UBE2O: variants seen among roughly 807,000 people sequenced by gnomAD.
The protein encoded by UBE2O is ubiquitin conjugating enzyme E2 O.
In UBE2O, 15 loss-of-function variants were observed where a neutral mutation model predicts 125.8. The observed-to-expected ratio is 0.12, with a 90% CI of 0.08 to 0.18. The LOEUF is 0.18. Ranked by LOEUF, UBE2O falls within the 10% of genes least tolerant of loss-of-function variation. The pLI is 1.00. For missense variants in UBE2O, 1,280 were observed against 1,723.6 expected (o/e 0.74, Z 4.56); for synonymous variants, 708 against 703.2 (o/e 1.01, Z -0.11).
intron 1 of UBE2O, among the ~76,000 whole-genome samples, chr17:76,445,230 T>G (rs2073133244): frequency 6.6e-6 from 1 of 152,136 alleles, no homozygotes; most frequent in Admixed American, 6.5e-5. Flanking sequence ...TTTTTTTTTT[T>G]CTTTTTCCAA....
At chr17:76,445,393 G>T (rs997371307) in intron 1 of UBE2O, among the ~76,000 whole-genome samples, 1 of 151,952 alleles carries the variant, frequency 6.6e-6, no homozygotes, top group Non-Finnish European at 1.5e-5. Flanking sequence ...TATTGCTGTG[G>T]CCTCTCTAAA....
rs2072215468 is a variant in UBE2O, at chr17:76,396,680, G to A, written c.2257C>T (p.Pro753Ser). The stretch of plus-strand genomic sequence containing the variant: ...GGGATGGGGGGCTCCTCTATCTTGG[G>A]GTGCTCGTCCTCCACCAGCCCATTG... The part of the protein sequence containing the change: ...TDNGLVEDEH[P>S]KIEEPPIPPL... Residue 753 changes from proline (P) to serine (S), a missense_variant, in exon 14 of 18, where the codon CCC (proline) becomes TCC (serine). Pro to Ser is a moderately conservative substitution (Grantham distance 74). Coordinates refer to ENST00000319380, the MANE Select transcript of UBE2O (RefSeq NM_022066.4). This position sits in a 1 kb window ranked among gnomAD's most constrained non-coding sequence, Gnocchi z 6.7. 6.2e-7 allele frequency: 1 copy of A among 1,613,596 alleles called. No individual in the cohort carries two copies. Among genetic ancestry groups the A allele is most frequent in the Admixed American group, 1.7e-5 (1 of 60,000 alleles).
intron 1 of UBE2O, among the ~76,000 whole-genome samples, chr17:76,440,354 T>G (rs2073059427): frequency 6.6e-6 from 1 of 152,242 alleles, no homozygotes; most frequent in East Asian, 1.9e-4. Context: ...GACAGGGTCT[T>G]GCTCTGTTGC....
intron 1 of UBE2O, among the ~76,000 whole-genome samples, chr17:76,432,004 C>A (rs4238987): frequency 1 from 152,294 of 152,326 alleles, 76,131 homozygotes; most frequent in Non-Finnish European, 1. Flanking sequence ...TGGATAAATC[C>A]ACACTTTACA....
chr17:76,430,116 G>C (rs754907129), intron 1 of UBE2O, among the ~76,000 whole-genome samples: 1 of 151,986 alleles, frequency 6.6e-6, no homozygotes, highest in Non-Finnish European at 1.5e-5. Flanking sequence ...GTGTTTTTCC[G>C]CAGGTACCAA....
chr17:76,430,585 A>G, intron 1 of UBE2O: 2 of 288,188 alleles, frequency 6.9e-6, no homozygotes, highest in South Asian at 6.3e-5. Flanking sequence ...ATGATGCCAT[A>G]TTGACCATGA....
chr17:76,404,492 A>C lies in UBE2O; in HGVS notation c.588+714T>G, dbSNP rs1255095077. Among the ~76,000 whole-genome samples the C allele has an allele frequency of 6.6e-6, 1 of 152,236 alleles. No homozygotes were observed. Among genetic ancestry groups the C allele is most frequent in the African/African-American group, 2.4e-5 (1 of 41,456 alleles). On this transcript the variant is annotated intron_variant, in intron 3 of 17. Transcript: ENST00000319380. The surrounding 1 kb of genome is among the most constrained non-coding windows in gnomAD (Gnocchi z 4.3). ...TGGGAAGCGATTCCAGATTGGAGAG[A>C]AAATGAAGAGATGACAACTCAATGC... is the stretch of plus-strand genomic sequence containing the variant.
chr17:76,435,417 T>TACACACACACACACACACACACACACAC (rs59781051), intron 1 of UBE2O, among the ~76,000 whole-genome samples: 5 of 96,318 alleles, frequency 5.2e-5, no homozygotes, highest in African/African-American at 1.1e-4. Flanking sequence ...CACACACACA[T>TACACACACACACACACACACACACACAC]ACACACACAC....
intron 5 of UBE2O, 85 bp downstream of exon 5, chr17:76,401,979 C>T (rs1211253355): frequency 1.4e-6 from 2 of 1,433,028 alleles, no homozygotes; most frequent in Non-Finnish European, 9.5e-7. Flanking sequence ...CTCTGTTTAG[C>T]TGGGTCCAGG....
chr17:76,427,897 G>A (rs367630532), intron 1 of UBE2O, among the ~76,000 whole-genome samples: 1 of 152,084 alleles, frequency 6.6e-6, no homozygotes, highest in Non-Finnish European at 1.5e-5. Context: ...CATGCTTCAC[G>A]TGTTCATGCA....
intron 1 of UBE2O, among the ~76,000 whole-genome samples, chr17:76,438,693 A>C (rs1216653359): frequency 6.6e-6 from 1 of 152,188 alleles, no homozygotes; most frequent in Non-Finnish European, 1.5e-5. Context: ...AACATCATTA[A>C]AATTATCCTT....
chr17:76,426,523 C>T (rs974570488), intron 1 of UBE2O, among the ~76,000 whole-genome samples: 10 of 152,162 alleles, frequency 6.6e-5, no homozygotes, highest in Admixed American at 5.2e-4. Flanking sequence ...AGACAAATGA[C>T]CTAGTTTTAA....
chr17:76,393,507 A>C (rs1168122324), intron 15 of UBE2O, among the ~76,000 whole-genome samples: 1 of 151,998 alleles, frequency 6.6e-6, no homozygotes, highest in Non-Finnish European at 1.5e-5. Context: ...TGCTGGGATT[A>C]CAGGCGTGAG....
chr17:76,420,577 T>C (rs2072692347), intron 1 of UBE2O, among the ~76,000 whole-genome samples: 1 of 152,066 alleles, frequency 6.6e-6, no homozygotes, highest in Non-Finnish European at 1.5e-5. Flanking sequence ...AATGACTATG[T>C]CAAAACAATG....
Position 76,452,630 on chromosome 17 carries a change from C to A in UBE2O, c.417+95G>T. The A allele has an allele frequency of 1.7e-6, 2 of 1,196,576 alleles. No individual in the cohort carries two copies. The highest frequency in any genetic ancestry group is 2.1e-6 in the Non-Finnish European group (2 of 938,320). 74.1% of individuals were successfully genotyped at this position (1,196,576 alleles called of 1,614,324 possible). ...CCCGCGTCGGCCACTGCAGTGGCAC[C>A]GCTCCGGGCAGGGCCCTGCACGCCG... On this transcript the variant is annotated intron_variant, in intron 1 of 17. Coordinates refer to ENST00000319380, the MANE Select transcript of UBE2O (RefSeq NM_022066.4). This position sits in a 1 kb window ranked among gnomAD's most constrained non-coding sequence, Gnocchi z 4.4.
In UBE2O at chr17:76,452,917, G is replaced by A; in HGVS notation, c.225C>T (p.His75=). The A allele has an allele frequency of 1.3e-6, 2 of 1,497,676 alleles. No individual in the cohort carries two copies. Among genetic ancestry groups the A allele is most frequent in the South Asian group, 2.5e-5 (2 of 78,924 alleles). The allele number at this position is 1,497,676 out of a possible 1,614,324, so 92.8% of individuals were successfully genotyped here. The change falls in exon 1 of 18, where the codon CAC becomes CAT. Residue 75 remains histidine (H), a synonymous_variant. Transcript: ENST00000319380. This position sits in a 1 kb window ranked among gnomAD's most constrained non-coding sequence, Gnocchi z 4.4. ...CGTGGATGAGGCGCACCAGCCCGAA[G>A]TGCACGGAGCCACGGTAACGGCCCG... ...LVSGRYRGSV[H]FGLVRLIHGE...
chr17:76,407,156 C>T (rs941796791), intron 1 of UBE2O, among the ~76,000 whole-genome samples: 8 of 152,154 alleles, frequency 5.3e-5, no homozygotes, highest in Non-Finnish European at 8.8e-5. Context: ...GGCAGCGGAC[C>T]GCAGGTGGCA....
intron 1 of UBE2O, among the ~76,000 whole-genome samples, chr17:76,434,013 C>A (rs1041208626): frequency 1.3e-5 from 2 of 152,170 alleles, no homozygotes; most frequent in African/African-American, 4.8e-5. Context: ...AAGACAAAAA[C>A]GAGCCCTCCT....
intron 1 of UBE2O, among the ~76,000 whole-genome samples, chr17:76,448,676 C>T (rs12949638): frequency 0.082 from 12,512 of 152,300 alleles, 711 homozygotes; most frequent in Non-Finnish European, 0.12. Flanking sequence ...GCTTTGCCTC[C>T]GAAACGAAGG....
Sources: allele counts gnomAD v4.1 joint callset (sites outside exome capture counted in the v4.1 genomes callset), GRCh38; gene constraint gnomAD v4.1.1; non-coding constraint Gnocchi (gnomAD v3.1); transcripts MANE v1.5; gene names NCBI Gene and HGNC (gene_info 2026-07-23, HGNC 2026-07-21).